RNF32: variants seen among roughly 807,000 people sequenced by gnomAD.
RNF32 encodes the protein ring finger protein 32.
A neutral mutation model predicts 41.0 loss-of-function variants in RNF32; 36 were observed. The observed-to-expected ratio is 0.88, with a 90% CI of 0.67 to 1.16. The LOEUF is 1.16. Among genes scored for constraint, RNF32 ranks in the 50% most tolerant of loss-of-function variants. The pLI is 0.00. For missense variants in RNF32, 413 were observed against 436.7 expected (o/e 0.95, Z 0.48); for synonymous variants, 154 against 160.9 (o/e 0.96, Z 0.32).
chr7:156,649,654 G>A (rs1357085884), intron 3 of RNF32, among the ~76,000 whole-genome samples: 1 of 151,818 alleles, frequency 6.6e-6, no homozygotes, highest in Non-Finnish European at 1.5e-5. Flanking sequence ...TTTTTTTCCT[G>A]CAACTTTTTA....
intron 1 of RNF32, among the ~76,000 whole-genome samples, chr7:156,642,620 CCAGTT>C (rs1797502475): frequency 6.6e-6 from 1 of 152,208 alleles, no homozygotes; most frequent in Non-Finnish European, 1.5e-5. Flanking sequence ...CCTGCTTATT[CCAGTT>C]CAGGGTGGCA....
chr7:156,672,902 C>T (rs1037052330), intron 7 of RNF32, among the ~76,000 whole-genome samples: 59 of 152,314 alleles, frequency 3.9e-4, no homozygotes, highest in African/African-American at 1.3e-3. Flanking sequence ...CTTCTATGAC[C>T]GTGGTTCTTA....
intron 7 of RNF32, chr7:156,658,780 T>C: frequency 1.0e-6 from 1 of 963,818 alleles, no homozygotes. Flanking sequence ...TCTTTTCTAG[T>C]TAAATCATAA....
intron 3 of RNF32, among the ~76,000 whole-genome samples, chr7:156,648,074 T>C (rs919815890): frequency 2.0e-5 from 3 of 152,056 alleles, no homozygotes; most frequent in Non-Finnish European, 4.4e-5. Context: ...TCGTAGGTTC[T>C]GGATACTAGT....
intron 3 of RNF32, among the ~76,000 whole-genome samples, chr7:156,646,045 T>A (rs1797936349): frequency 1.3e-5 from 2 of 152,256 alleles, no homozygotes; most frequent in African/African-American, 4.8e-5. Flanking sequence ...GCATATAGCA[T>A]GCAACTTCAC....
chr7:156,663,811 GA>G (rs1191544980), intron 7 of RNF32, among the ~76,000 whole-genome samples: 9 of 152,142 alleles, frequency 5.9e-5, no homozygotes, highest in Non-Finnish European at 1.3e-4. Flanking sequence ...GACCAGTGGA[GA>G]AAAAAATTAT....
At chr7:156,640,302 A>C (rs771328539), upstream of RNF32, 51 of 450,262 alleles carry the variant, frequency 1.1e-4, no homozygotes, top group Non-Finnish European at 2.2e-4. Context: ...GACCACAGCC[A>C]CCGCAGGGAA....
intron 7 of RNF32, among the ~76,000 whole-genome samples, chr7:156,667,600 A>T (rs1801538539): frequency 6.6e-6 from 1 of 152,210 alleles, no homozygotes; most frequent in African/African-American, 2.4e-5. Flanking sequence ...TTGCCCTTTC[A>T]GTTACTAAGG....
intron 7 of RNF32, among the ~76,000 whole-genome samples, chr7:156,661,638 C>G (rs1210208249): frequency 1.3e-5 from 2 of 152,110 alleles, no homozygotes; most frequent in African/African-American, 2.4e-5. Context: ...TTATTTTTAG[C>G]TTACAGCAAT....
intron 7 of RNF32, 40 bp downstream of exon 7, chr7:156,658,610 T>G (rs1800110995): frequency 7.4e-7 from 1 of 1,349,214 alleles, no homozygotes; most frequent in Non-Finnish European, 1.1e-6. Context: ...ATGGTCTCCG[T>G]GCGGGTGGTT....
chr7:156,660,020 C>T (rs942847681), intron 7 of RNF32: 52 of 985,512 alleles, frequency 5.3e-5, no homozygotes, highest in African/African-American at 4.2e-4. Flanking sequence ...ACGTTGGGTC[C>T]GCTGCCCTGT....
intron 7 of RNF32, 22 bp from the exon 8 acceptor site, chr7:156,675,674 C>T (rs1184127088): frequency 4.0e-6 from 6 of 1,494,144 alleles, no homozygotes; most frequent in Non-Finnish European, 5.6e-6. Context: ...TGTGAGCTTA[C>T]CCGCCCCCGC....
Position 156,658,580 on chromosome 7 carries a change from G to T in RNF32, c.684+10G>T. ...ATTCTTTGAAAAAAAGGTAGGTAAA[G>T]ATCATTATGTTCTCCAGATATGGTC... On this transcript the variant is annotated intron_variant, in intron 7 of 8. Coordinates refer to ENST00000317955, the MANE Select transcript of RNF32 (RefSeq NM_030936.4). The T allele has an allele frequency of 6.5e-7, 1 of 1,545,560 alleles. No individual in the cohort carries two copies. The highest frequency in any genetic ancestry group is 8.9e-7 in the Non-Finnish European group (1 of 1,117,744).
chr7:156,645,424 G>C (rs1370506451), intron 3 of RNF32, among the ~76,000 whole-genome samples: 1 of 152,192 alleles, frequency 6.6e-6, no homozygotes, highest in East Asian at 1.9e-4. Context: ...GGAAACCTCA[G>C]ACCAGTCCAA....
intron 3 of RNF32, among the ~76,000 whole-genome samples, chr7:156,646,827 C>T (rs1193027321): frequency 6.6e-6 from 1 of 152,172 alleles, no homozygotes; most frequent in Non-Finnish European, 1.5e-5. Context: ...TGTTTGTCCC[C>T]TCCAAAACTC....
At position 156,654,829 on chromosome 7, in the gene RNF32, G is replaced by A. The variant is rs180784923; in HGVS notation, c.417+111G>A. 19 of 987,596 alleles carry A rather than the reference G, an allele frequency of 1.9e-5. No individual in the cohort carries two copies. The East Asian group carries it at 3.4e-4, about 18-fold the overall frequency. The allele number at this position is 987,596 out of a possible 1,614,324, so 61.2% of individuals were successfully genotyped here. On this transcript the variant is annotated intron_variant, in intron 4 of 8. Transcript: ENST00000317955. Reference sequence around the variant, plus strand: ...TTCCTTTTTCCAGTTTCATCCTCCTGTGTGAGCCTCACACACTTCCATTTT... The same window carrying A: ...TTCCTTTTTCCAGTTTCATCCTCCTATGTGAGCCTCACACACTTCCATTTT...
chr7:156,668,998 A>C (rs2131609288), intron 7 of RNF32: 1 of 152,376 alleles, frequency 6.6e-6, no homozygotes, highest in South Asian at 2.1e-4. Flanking sequence ...AAAAAGTATG[A>C]ATTGTTAATA....
At chr7:156,648,028 T>TG (rs1491492179) in intron 3 of RNF32, among the ~76,000 whole-genome samples, 5 of 121,288 alleles carry the variant, frequency 4.1e-5, no homozygotes, top group Admixed American at 1.6e-4. Context: ...TGGGATTATT[T>TG]GTTTTTTTTT....
Position 156,675,717 on chromosome 7 carries a change from A to T in RNF32, c.706A>T (p.Ile236Phe). ...EKKFTEISHR[I>F]LCSYNTNIEE... ...TCAGTTCACAGAAATCAGCCACCGC[A>T]TCCTGTGCTCATACAACACCAACAT... Residue 236 changes from isoleucine to phenylalanine, a missense_variant, in exon 8 of 9, where the codon ATC (isoleucine) becomes TTC (phenylalanine). Coordinates refer to ENST00000317955, the MANE Select transcript of RNF32 (RefSeq NM_030936.4). 6.2e-7 allele frequency: 1 copy of T among 1,611,254 alleles called. No homozygotes were observed. The highest frequency in any genetic ancestry group is 8.5e-7 in the Non-Finnish European group (1 of 1,177,988).
Sources: allele counts gnomAD v4.1 joint callset (sites outside exome capture counted in the v4.1 genomes callset), GRCh38; gene constraint gnomAD v4.1.1; transcripts MANE v1.5; gene names NCBI Gene and HGNC (gene_info 2026-07-23, HGNC 2026-07-21).